MYO5C: variants seen among roughly 807,000 people sequenced by gnomAD.
MYO5C encodes unconventional myosin-Vc.
In MYO5C, 194 loss-of-function variants were observed where a neutral mutation model predicts 235.7. The observed-to-expected ratio is 0.82, with a 90% CI of 0.73 to 0.93. The LOEUF (loss-of-function observed/expected upper bound fraction) is 0.93, where lower values mean the gene tolerates loss of function less well. MYO5C is among the 40% of genes least tolerant of loss of function. MYO5C has a pLI of 0.00. For missense variants in MYO5C, 2,038 were observed against 2,127.2 expected (o/e 0.96, Z 0.82); for synonymous variants, 707 against 754.8 (o/e 0.94, Z 1.04).
chr15:52,256,595 G>GCGCGCGCA (rs1294043515), intron 11 of MYO5C, 44 bp downstream of exon 11: 1 of 1,355,106 alleles, frequency 7.4e-7, no homozygotes, highest in Non-Finnish European at 1.0e-6. Context: ...ACACGCGCGC[G>GCGCGCGCA]CGCGCGGCTG....
Position 52,223,579 on chromosome 15 carries a change from G to A in MYO5C, c.3592C>T (p.Arg1198Cys), listed in dbSNP as rs200717531. The change falls in exon 29 of 41, where the codon CGT becomes TGT. Residue 1198 changes from arginine (R) to cysteine (C), a missense_variant. Transcript: ENST00000261839. The stretch of plus-strand genomic sequence containing the variant: ...GATGTTAGCCTGGTAACTTCATGAC[G>A]GATGCTTTCATTGATGTCATTTTCT... ...REENDINESI[R>C]HEVTRLTSEN... is the part of the protein sequence containing the mutation. 9.0e-5 allele frequency: 145 copies of A among 1,614,080 alleles called. No homozygotes were observed. The highest frequency in any genetic ancestry group is 3.1e-4 in the East Asian group (14 of 44,880).
rs150893270 is a variant in MYO5C at position 52,204,657 on chromosome 15, A to G, written c.4820+208T>C. Among the ~76,000 whole-genome samples, 34 of 152,112 alleles carry G rather than the reference A, an allele frequency of 2.2e-4. No individual in the cohort carries two copies. In the East Asian group the frequency reaches 6.6e-3, roughly 30 times the overall value. Reference sequence around the variant, plus strand: ...TGGGTTAAAGCGGCTAGGCCAGTCCATCTAGTTGGCAGGGTGTGGCGTGAG... The same window carrying G: ...TGGGTTAAAGCGGCTAGGCCAGTCCGTCTAGTTGGCAGGGTGTGGCGTGAG... On this transcript the variant is annotated intron_variant, in intron 38 of 40. Coordinates refer to ENST00000261839, the MANE Select transcript of MYO5C (RefSeq NM_018728.4).
At chr15:52,292,775 G>A (rs1369626952) in intron 1 of MYO5C, among the ~76,000 whole-genome samples, 2 of 152,254 alleles carry the variant, frequency 1.3e-5, no homozygotes, top group African/African-American at 2.4e-5. Flanking sequence ...TAGCTGCAGA[G>A]GCTTTCTCAG....
chr15:52,256,628 A>G lies in MYO5C; in HGVS notation c.1395+11T>C. 1.2e-6 allele frequency: 2 copies of G among 1,601,260 alleles called. No individual in the cohort carries two copies. Among genetic ancestry groups the G allele is most frequent in the African/African-American group, 1.4e-5 (1 of 71,714 alleles). On this transcript the variant is annotated intron_variant, in intron 11 of 40. Coordinates refer to ENST00000261839, the MANE Select transcript of MYO5C (RefSeq NM_018728.4). ...CTGAGAACTAGTCAAGAAGGCAGAAAGGTCACCTACCATGTTAAACTGTTG... is the reference window on the plus strand; with the variant it reads ...CTGAGAACTAGTCAAGAAGGCAGAAGGGTCACCTACCATGTTAAACTGTTG...
intron 1 of MYO5C, among the ~76,000 whole-genome samples, 156 bp downstream of exon 1, chr15:52,295,454 C>T (rs1406109020): frequency 6.6e-6 from 1 of 151,986 alleles, no homozygotes; most frequent in Non-Finnish European, 1.5e-5. Flanking sequence ...CCCCGTGGCC[C>T]CTCCGCGGCG....
At chr15:52,251,080 T>G (rs1265730737) in intron 13 of MYO5C, 1 of 187,116 alleles carries the variant, frequency 5.3e-6, no homozygotes, top group Admixed American at 6.1e-5. Flanking sequence ...TAAGGAAGAA[T>G]TATGCTGTCT....
chr15:52,285,049 A>G (rs1324095232), intron 1 of MYO5C, among the ~76,000 whole-genome samples: 1 of 152,070 alleles, frequency 6.6e-6, no homozygotes, highest in Non-Finnish European at 1.5e-5. Context: ...ATGTTCATAT[A>G]AAAATGCTGG....
chr15:52,227,851 T>C (rs1302992789), intron 25 of MYO5C, among the ~76,000 whole-genome samples: 1 of 152,232 alleles, frequency 6.6e-6, no homozygotes, highest in Admixed American at 6.5e-5. Context: ...AAACCACGCA[T>C]GGCTAGTTCA....
intron 1 of MYO5C, among the ~76,000 whole-genome samples, chr15:52,284,352 C>T (rs2037219198): frequency 6.6e-6 from 1 of 151,854 alleles, no homozygotes; most frequent in South Asian, 2.1e-4. Context: ...TGAGTACCTC[C>T]TATGTGAGTC....
chr15:52,242,489 C>T (rs907694445), intron 19 of MYO5C: 10 of 378,976 alleles, frequency 2.6e-5, no homozygotes, highest in African/African-American at 1.6e-4. Flanking sequence ...TGAGACTGTG[C>T]ACTGGTGCTG....
chr15:52,228,601 A>G (rs1294670344), intron 25 of MYO5C, among the ~76,000 whole-genome samples: 1 of 152,246 alleles, frequency 6.6e-6, no homozygotes, highest in East Asian at 1.9e-4. Flanking sequence ...ATTCAAGCTG[A>G]TTAACATGTT....
chr15:52,255,373 A>C (rs2036558973), intron 11 of MYO5C, among the ~76,000 whole-genome samples: 1 of 152,248 alleles, frequency 6.6e-6, no homozygotes, highest in African/African-American at 2.4e-5. Flanking sequence ...AGTAACTGTT[A>C]GGGTATTAAA....
chr15:52,268,413 A>T (rs2036855388), intron 8 of MYO5C, among the ~76,000 whole-genome samples: 3 of 152,172 alleles, frequency 2.0e-5, no homozygotes, highest in Non-Finnish European at 1.5e-5. Flanking sequence ...AATACAAAAA[A>T]TTAGCCAGGT....
chr15:52,233,814 T>G (rs564489971), intron 23 of MYO5C, among the ~76,000 whole-genome samples: 19 of 152,304 alleles, frequency 1.2e-4, no homozygotes, highest in Non-Finnish European at 2.5e-4. Flanking sequence ...GATGTCCCTA[T>G]TTGCACTAAG....
intron 9 of MYO5C, among the ~76,000 whole-genome samples, chr15:52,263,512 T>C (rs1438635259): frequency 2.0e-5 from 3 of 152,148 alleles, no homozygotes; most frequent in African/African-American, 7.2e-5. Context: ...CCCAGTGCCC[T>C]TAAGGTCCTA....
chr15:52,277,772 ACT>A (rs1365053331), intron 4 of MYO5C: 1 of 450,288 alleles, frequency 2.2e-6, no homozygotes, highest in Non-Finnish European at 4.4e-6. Context: ...GTCTCTGATG[ACT>A]CTGAAGAAGC....
At chr15:52,256,598 C>CGCGCGCGA in intron 11 of MYO5C, 41 bp downstream of exon 11, 1 of 1,507,938 alleles carries the variant, frequency 6.6e-7, no homozygotes, top group Non-Finnish European at 9.1e-7. Flanking sequence ...CGCGCGCGCG[C>CGCGCGCGA]GCGGCTGAGA....
intron 33 of MYO5C, 24 bp downstream of exon 33, chr15:52,214,579 A>G: frequency 6.5e-7 from 1 of 1,528,600 alleles, no homozygotes; most frequent in Non-Finnish European, 8.9e-7. Context: ...TCAAAAGAAT[A>G]AGAAAACAAG....
intron 1 of MYO5C, among the ~76,000 whole-genome samples, chr15:52,284,839 C>CTT (rs367736735): frequency 4.7e-4 from 67 of 141,302 alleles, no homozygotes; most frequent in African/African-American, 5.2e-4. Context: ...TTCTTTCTTT[C>CTT]TTTTTTTTTT....
Sources: allele counts gnomAD v4.1 joint callset (sites outside exome capture counted in the v4.1 genomes callset), GRCh38; gene constraint gnomAD v4.1.1; transcripts MANE v1.5; gene names NCBI Gene and HGNC (gene_info 2026-07-23, HGNC 2026-07-21).